EXOC4: variants seen among roughly 807,000 people sequenced by gnomAD.
The protein encoded by EXOC4 is SEC8-like 1.
EXOC4 carries 71 observed loss-of-function variants against 107.2 expected under a neutral mutation model. The observed-to-expected ratio is 0.66, with a 90% CI of 0.55 to 0.81. EXOC4 has a LOEUF of 0.81. Among genes scored for constraint, EXOC4 ranks in the 30% least tolerant of loss-of-function variants. EXOC4 has a pLI of 0.00. For synonymous variants in EXOC4, 456 were observed against 441.2 expected (o/e 1.03, Z -0.42); for missense variants, 1,108 against 1,189.6 (o/e 0.93, Z 1.01).
chr7:133,442,675 A>T (rs1397925154), intron 7 of EXOC4, among the ~76,000 whole-genome samples: 5 of 152,146 alleles, frequency 3.3e-5, no homozygotes, highest in African/African-American at 4.8e-5. Context: ...GAGAGAAGGG[A>T]TGATTAATAA....
intron 5 of EXOC4, among the ~76,000 whole-genome samples, chr7:133,322,229 T>A (rs887216559): frequency 1.3e-5 from 2 of 152,166 alleles, no homozygotes; most frequent in Non-Finnish European, 2.9e-5. Flanking sequence ...TTTAATTAGA[T>A]CCCATTTGTC....
chr7:134,080,363 G>A, the EXOC4 span, among the ~76,000 whole-genome samples: 5 of 152,174 alleles, frequency 3.3e-5, no homozygotes, highest in Non-Finnish European at 7.4e-5. Context: ...GACTTGGGGA[G>A]ATAAGGTTGG....
At chr7:133,971,201 C>T (rs1025702140) in intron 14 of EXOC4, among the ~76,000 whole-genome samples, 2 of 151,598 alleles carry the variant, frequency 1.3e-5, no homozygotes, top group Non-Finnish European at 2.9e-5. Context: ...GGTTAATGTG[C>T]AGGACTTGAC....
intron 15 of EXOC4, among the ~76,000 whole-genome samples, chr7:134,003,543 T>C (rs1377994108): frequency 6.6e-6 from 1 of 152,158 alleles, no homozygotes; most frequent in Non-Finnish European, 1.5e-5. Flanking sequence ...AGCCATTCAT[T>C]TGGGAATATT....
At chr7:133,760,548 G>T (rs951371006) in intron 10 of EXOC4, among the ~76,000 whole-genome samples, 1 of 151,994 alleles carries the variant, frequency 6.6e-6, no homozygotes, top group Admixed American at 6.6e-5. Context: ...TGATATGACC[G>T]CACACGTGAG....
rs533339217 is a variant in EXOC4 at position 133,936,321 on chromosome 7, C to T, written c.2028-1570C>T. ...TTGGTAGGATAAACATTTTAGATAA[C>T]GATTTGATTCACAGCAGTTGTTTCT... On this transcript the variant is annotated intron_variant, in intron 13 of 17. Transcript: ENST00000253861. Among the ~76,000 whole-genome samples, 4 of 152,324 alleles carry T rather than the reference C, an allele frequency of 2.6e-5. No homozygotes were observed. The South Asian group carries it at 8.3e-4, about 32-fold the overall frequency.
At chr7:133,395,218 C>T (rs1796944887) in intron 7 of EXOC4, among the ~76,000 whole-genome samples, 1 of 151,334 alleles carries the variant, frequency 6.6e-6, no homozygotes, top group Non-Finnish European at 1.5e-5. Flanking sequence ...ATTTAAAGCA[C>T]TCACATTAAG....
chr7:133,488,867 A>G (rs1255896902), intron 9 of EXOC4, among the ~76,000 whole-genome samples: 4 of 151,200 alleles, frequency 2.6e-5, no homozygotes, highest in Non-Finnish European at 5.9e-5. Context: ...TCATATAAGA[A>G]AATATTAGAT....
At chr7:134,077,990 A>G in the EXOC4 span, among the ~76,000 whole-genome samples, 1 of 152,242 alleles carries the variant, frequency 6.6e-6, no homozygotes, top group East Asian at 1.9e-4. Context: ...TCCAGAGCAC[A>G]TTAGATAATA....
chr7:133,606,549 C>G (rs574055470), intron 9 of EXOC4, among the ~76,000 whole-genome samples: 11 of 148,138 alleles, frequency 7.4e-5, no homozygotes, highest in Admixed American at 1.4e-4. Context: ...GAGTCTCACT[C>G]TCTTGCCCAG....
At chr7:133,745,304 T>G (rs997000478) in intron 10 of EXOC4, among the ~76,000 whole-genome samples, 1 of 152,172 alleles carries the variant, frequency 6.6e-6, no homozygotes, top group East Asian at 1.9e-4. Context: ...TACACTCGAG[T>G]ACAGCTGCCT....
At chr7:133,450,059 C>T (rs1351395326) in intron 7 of EXOC4, among the ~76,000 whole-genome samples, 5 of 152,122 alleles carry the variant, frequency 3.3e-5, no homozygotes, top group Non-Finnish European at 5.9e-5. Context: ...TCTTTTCCTT[C>T]CAGCCTGTTT....
intron 7 of EXOC4, among the ~76,000 whole-genome samples, chr7:133,431,164 C>T (rs1229018251): frequency 1.3e-5 from 2 of 152,176 alleles, no homozygotes; most frequent in African/African-American, 4.8e-5. Flanking sequence ...CCTTCAAAGT[C>T]ATCTTGAATT....
intron 1 of EXOC4, among the ~76,000 whole-genome samples, chr7:133,267,974 A>G (rs915510143): frequency 2.6e-5 from 4 of 152,318 alleles, no homozygotes; most frequent in African/African-American, 4.8e-5. Context: ...GGAACTTTAG[A>G]AAGGGATAGG....
intron 7 of EXOC4, among the ~76,000 whole-genome samples, chr7:133,400,136 G>C (rs1563051377): frequency 6.6e-6 from 1 of 152,198 alleles, no homozygotes. Flanking sequence ...GGTAGAAATG[G>C]AGAGACCAGA....
intron 3 of EXOC4, among the ~76,000 whole-genome samples, chr7:133,305,342 G>C (rs1794728438): frequency 6.6e-6 from 1 of 152,082 alleles, no homozygotes; most frequent in Admixed American, 6.6e-5. Context: ...TTGTCCATTT[G>C]TAGCATTCAT....
At chr7:134,089,657 A>T in the EXOC4 span, among the ~76,000 whole-genome samples, 19 of 151,826 alleles carry the variant, frequency 1.3e-4, no homozygotes, top group Non-Finnish European at 2.6e-4. Context: ...ATTCCCTGCT[A>T]TGGGAATTGC....
chr7:133,747,973 C>G (rs1462679942), intron 10 of EXOC4, among the ~76,000 whole-genome samples: 4 of 152,170 alleles, frequency 2.6e-5, no homozygotes, highest in Non-Finnish European at 5.9e-5. Flanking sequence ...CAGAATGTCT[C>G]ATTAGCTTTT....
At chr7:133,896,326 A>G (rs192211842) in intron 12 of EXOC4, among the ~76,000 whole-genome samples, 12 of 152,302 alleles carry the variant, frequency 7.9e-5, no homozygotes, top group Admixed American at 2.0e-4. Context: ...TCTCTAAGAA[A>G]GCTAATAATG....
Sources: gnomAD v4.1 joint callset for allele counts (sites outside exome capture counted in the v4.1 genomes callset) on GRCh38, gnomAD v4.1.1 for gene constraint, MANE v1.5 for transcripts, NCBI Gene and HGNC (gene_info 2026-07-23, HGNC 2026-07-21) for gene names.